RASA1: variants seen among roughly 807,000 people sequenced by gnomAD.
RASA1 encodes the protein RAS p21 protein activator 1.
A neutral mutation model predicts 132.2 loss-of-function variants in RASA1; 25 were observed. The observed-to-expected ratio is 0.19, with a 90% CI of 0.14 to 0.26. The LOEUF is 0.26. Among genes scored for constraint, RASA1 ranks in the 10% least tolerant of loss-of-function variants. The pLI is 1.00. For synonymous variants in RASA1, 477 were observed against 449.9 expected, an observed-to-expected ratio of 1.06 and a Z score of -0.76; for missense variants, 964 against 1,299.2, an observed-to-expected ratio of 0.74 and a Z score of 3.97.
At position 87,268,828 on chromosome 5, in the gene RASA1, A is replaced by G; in HGVS notation, c.377A>G (p.Glu126Gly). ...LTKLPTSLLA[E>G]TLGPGGGFPP... ...AAACTGCCCACTTCGTTGCTTGCTG[A>G]GACTCTCGGGCCAGGCGGCGGTTTT... The change falls in exon 1 of 25, where the codon GAG (glutamate) becomes GGG (glycine). Residue 126 changes from glutamate to glycine, a missense_variant. By Grantham distance (98) the Glu-to-Gly change is moderately conservative (BLOSUM62 -2). Around this residue, in one of 6 missense-constraint regions of RASA1, gnomAD observed 326 missense variants for 275.8 expected, o/e 1.18. Transcript: ENST00000274376. 3 of 1,613,874 alleles carry G rather than the reference A, an allele frequency of 1.9e-6. No individual in the cohort carries two copies. Among genetic ancestry groups the G allele is most frequent in the Non-Finnish European group, 2.5e-6 (3 of 1,179,982 alleles).
intron 9 of RASA1, among the ~76,000 whole-genome samples, chr5:87,359,664 CTG>C (rs1176162169): frequency 5.3e-5 from 8 of 152,122 alleles, no homozygotes; most frequent in Admixed American, 4.6e-4. Flanking sequence ...AAATACAAAT[CTG>C]TATTACCAGG....
chr5:87,282,117 G>C (rs760411634), intron 1 of RASA1, among the ~76,000 whole-genome samples: 84 of 151,758 alleles, frequency 5.5e-4, no homozygotes, highest in Non-Finnish European at 6.6e-4. Flanking sequence ...ACTATGATTT[G>C]AAAACCTCTG....
intron 1 of RASA1, among the ~76,000 whole-genome samples, chr5:87,325,510 G>A (rs1371094889): frequency 6.6e-6 from 1 of 152,220 alleles, no homozygotes; most frequent in Non-Finnish European, 1.5e-5. Context: ...TTTGAGGCTT[G>A]TAGAATAACT....
chr5:87,344,125 T>C (rs997072555), intron 6 of RASA1, among the ~76,000 whole-genome samples: 24 of 152,200 alleles, frequency 1.6e-4, no homozygotes, highest in African/African-American at 5.8e-4. Context: ...AAAATACATC[T>C]AGATAGAATG....
At chr5:87,371,257 G>A (rs1760919037) in intron 12 of RASA1, among the ~76,000 whole-genome samples, 2 of 151,932 alleles carry the variant, frequency 1.3e-5, no homozygotes, top group Non-Finnish European at 2.9e-5. Flanking sequence ...ATTGGGCTGT[G>A]GGGGTCTCTG....
intron 4 of RASA1, among the ~76,000 whole-genome samples, chr5:87,336,087 A>G (rs1465698578): frequency 6.6e-5 from 10 of 152,236 alleles, no homozygotes; most frequent in Non-Finnish European, 1.2e-4. Flanking sequence ...CAAAAAAATC[A>G]TATAGCAGCA....
chr5:87,302,991 T>A (rs1428438), intron 1 of RASA1, among the ~76,000 whole-genome samples: 25,287 of 152,080 alleles, frequency 0.17, 2,450 homozygotes, highest in Non-Finnish European at 0.22. Context: ...TTTTTGTGAA[T>A]GGAGCAAGGA....
chr5:87,268,500 G>A lies in RASA1; in HGVS notation c.49G>A (p.Gly17Arg), dbSNP rs1431316115. ...TGAGGAGGGCGGCCCGGTAACAGCC[G>A]GAGCTGGAGGAGGCGGCGCGGCAGC... Reference protein sequence around the residue: ...GSEEGGPVTAGAGGGGAAAGS... With the variant: ...GSEEGGPVTARAGGGGAAAGS... Residue 17 changes from glycine to arginine, a missense_variant, in exon 1 of 25, where the codon GGA (glycine) becomes AGA (arginine). Physicochemically the swap from Gly to Arg is moderately radical, Grantham distance 125. Transcript: ENST00000274376. 1.3e-6 allele frequency: 2 copies of A among 1,567,014 alleles called. No individual in the cohort carries two copies. Among genetic ancestry groups the A allele is most frequent in the East Asian group, 4.7e-5 (2 of 42,764 alleles).
rs765563274 is a variant in RASA1, at chr5:87,374,859, A to T, written c.1954A>T (p.Asn652Tyr). The stretch of plus-strand genomic sequence containing the variant: ...CTTTAGTGATCTTCCTCCTGACATC[A>T]ATAGATTTGAAATAACTCTTAGTAA... ...FVFDDLPPDI[N>Y]RFEITLSNKT... The change falls in exon 15 of 25, where the codon AAT becomes TAT. Residue 652 changes from asparagine to tyrosine, a missense_variant. Coordinates refer to ENST00000274376, the MANE Select transcript of RASA1 (RefSeq NM_002890.3). 6.2e-7 allele frequency: 1 copy of T among 1,609,864 alleles called. No individual in the cohort carries two copies. The highest frequency in any genetic ancestry group is 1.1e-5 in the South Asian group (1 of 90,986).
At chr5:87,300,334 GC>G (rs1260640282) in intron 1 of RASA1, among the ~76,000 whole-genome samples, 1 of 152,086 alleles carries the variant, frequency 6.6e-6, no homozygotes, top group Non-Finnish European at 1.5e-5. Flanking sequence ...TTCTGATCTT[GC>G]CACTGCACTC....
At chr5:87,381,938 T>A (rs11750894) in intron 20 of RASA1, among the ~76,000 whole-genome samples, 55,358 of 152,032 alleles carry the variant, frequency 0.36, 10,501 homozygotes, top group East Asian at 0.48. Context: ...ATTTGGGAAG[T>A]CCAAAATTAA....
At chr5:87,348,211 TAAG>T (rs1759000462) in intron 7 of RASA1, among the ~76,000 whole-genome samples, 1 of 152,042 alleles carries the variant, frequency 6.6e-6, no homozygotes, top group South Asian at 2.1e-4. Flanking sequence ...AGATTCAGTT[TAAG>T]GAGATTTATT....
At chr5:87,298,363 C>A (rs1423859999) in intron 1 of RASA1, among the ~76,000 whole-genome samples, 1 of 148,254 alleles carries the variant, frequency 6.7e-6, no homozygotes, top group Non-Finnish European at 1.5e-5. Context: ...GAGCCTAGAT[C>A]GTACATGCCA....
intron 5 of RASA1, among the ~76,000 whole-genome samples, chr5:87,340,630 A>G (rs1758363717): frequency 6.6e-6 from 1 of 152,124 alleles, no homozygotes; most frequent in Admixed American, 6.6e-5. Flanking sequence ...AAACATAGTA[A>G]AAGGGGGATG....
At chr5:87,299,362 G>A (rs1176528441) in intron 1 of RASA1, among the ~76,000 whole-genome samples, 5 of 152,110 alleles carry the variant, frequency 3.3e-5, no homozygotes, top group African/African-American at 9.7e-5. Flanking sequence ...TGCTTTTAGT[G>A]AATCACTATA....
intron 1 of RASA1, among the ~76,000 whole-genome samples, chr5:87,303,187 CCTGT>C (rs1189225010): frequency 1.3e-5 from 2 of 152,088 alleles, no homozygotes; most frequent in African/African-American, 2.4e-5. Context: ...TTCAGTAGGA[CCTGT>C]CTCTTTTTCA....
chr5:87,357,713 A>G (rs1220837635), intron 9 of RASA1, among the ~76,000 whole-genome samples: 1 of 152,060 alleles, frequency 6.6e-6, no homozygotes, highest in African/African-American at 2.4e-5. Flanking sequence ...TCAAAAAAAA[A>G]GAAAAACAAA....
Position 87,332,619 on chromosome 5 carries a change from C to T in RASA1, c.805C>T (p.Leu269Phe). Reference sequence around the variant, plus strand: ...TTGTTTGCTTAAAGGAGAAAAATTACTTTACCCAGTTGCACCACCAGAGGC... The same window carrying T: ...TTGTTTGCTTAAAGGAGAAAAATTATTTTACCCAGTTGCACCACCAGAGGC... Reference protein sequence around the residue: ...VSCLLKGEKLLYPVAPPEPVE... With the variant: ...VSCLLKGEKLFYPVAPPEPVE... The change falls in exon 3 of 25, where the codon CTT (leucine) becomes TTT (phenylalanine). Residue 269 changes from leucine (L) to phenylalanine (F), a missense_variant. Leu to Phe is a conservative substitution (Grantham distance 22, BLOSUM62 0). Around this residue, in one of 6 missense-constraint regions of RASA1, gnomAD observed 154 missense variants for 286.5 expected, o/e 0.54. Transcript: ENST00000274376. 7 of 1,610,846 alleles carry T rather than the reference C, an allele frequency of 4.3e-6. No individual in the cohort carries two copies. Among genetic ancestry groups the T allele is most frequent in the Non-Finnish European group, 5.9e-6 (7 of 1,177,762 alleles).
At chr5:87,338,536 A>ATATATATATATTTTTTT in intron 5 of RASA1, among the ~76,000 whole-genome samples, 6 of 85,220 alleles carry the variant, frequency 7.0e-5, no homozygotes, top group East Asian at 9.9e-4. Context: ...TATATATAAA[A>ATATATATATATTTTTTT]TTTTTTTTTT....
Sources: gnomAD v4.1 joint callset for allele counts (sites outside exome capture counted in the v4.1 genomes callset) on GRCh38, gnomAD v4.1.1 for gene constraint, gnomAD v4.1.1 regional missense constraint, MANE v1.5 for transcripts, NCBI Gene and HGNC (gene_info 2026-07-23, HGNC 2026-07-21) for gene names.